Variants in MCC observed in about 807,000 individuals in gnomAD.
MCC encodes the protein colorectal mutant cancer protein.
A neutral mutation model predicts 116.2 loss-of-function variants in MCC; 90 were observed. The ratio of observed to expected loss-of-function variants is 0.77; its 90% CI spans 0.65 to 0.92. The LOEUF (loss-of-function observed/expected upper bound fraction) is 0.92. MCC is among the 40% of genes least tolerant of loss of function. The pLI is 0.00. For synonymous variants in MCC, 578 were observed against 510.5 expected (o/e 1.13, Z -1.78); for missense variants, 1,516 against 1,312.2 (o/e 1.16, Z -2.40).
intron 2 of MCC, among the ~76,000 whole-genome samples, chr5:113,376,649 T>C (rs17135585): frequency 0.015 from 2,027 of 139,248 alleles, 61 homozygotes; most frequent in African/African-American, 0.056. Flanking sequence ...TTGAGGATGG[T>C]GAAAATACAC....
intron 6 of MCC, among the ~76,000 whole-genome samples, chr5:113,110,768 A>G (rs1757044230): frequency 6.6e-6 from 1 of 152,222 alleles, no homozygotes; most frequent in Non-Finnish European, 1.5e-5. Flanking sequence ...GTGCTTGCAT[A>G]TGGGATAGGG....
chr5:113,384,856 C>A, intron 2 of MCC, 112 bp downstream of exon 2: 1 of 1,286,678 alleles, frequency 7.8e-7, no homozygotes, highest in Non-Finnish European at 1.1e-6. Context: ...GGAGGGCAGC[C>A]TCAGTATGAG....
intron 6 of MCC, among the ~76,000 whole-genome samples, chr5:113,107,986 G>C (rs1182975451): frequency 1.3e-5 from 2 of 152,134 alleles, no homozygotes; most frequent in African/African-American, 4.8e-5. Flanking sequence ...CCTTAACTGT[G>C]AGAGACCCCC....
intron 3 of MCC, among the ~76,000 whole-genome samples, chr5:113,334,811 G>T (rs933913859): frequency 2.0e-5 from 3 of 150,018 alleles, no homozygotes; most frequent in African/African-American, 7.5e-5. Flanking sequence ...GGCTGGTCTT[G>T]AACTCCTGAC....
intron 5 of MCC, among the ~76,000 whole-genome samples, chr5:113,138,473 TTC>T (rs1480310999): frequency 6.6e-6 from 1 of 152,166 alleles, no homozygotes; most frequent in African/African-American, 2.4e-5. Context: ...TGCTTCCTCT[TTC>T]TCTCTTCCCT....
At chr5:113,362,228 T>A (rs988863062) in intron 2 of MCC, among the ~76,000 whole-genome samples, 3 of 152,240 alleles carry the variant, frequency 2.0e-5, no homozygotes, top group African/African-American at 7.2e-5. Context: ...GGTTTCACCA[T>A]GTTGGCCAGG....
At chr5:113,045,068 C>T (rs1300345060) in intron 16 of MCC, among the ~76,000 whole-genome samples, 2 of 152,240 alleles carry the variant, frequency 1.3e-5, no homozygotes, top group Non-Finnish European at 2.9e-5. Flanking sequence ...AGATCCAAGT[C>T]CCCTGTCCAC....
chr5:113,428,339 A>AC (rs1770536245), intron 1 of MCC, among the ~76,000 whole-genome samples: 1 of 152,040 alleles, frequency 6.6e-6, no homozygotes, highest in Non-Finnish European at 1.5e-5. Flanking sequence ...GCAGCACCAC[A>AC]CCCCTCTTTA....
chr5:113,458,484 C>T (rs1771645324), intron 1 of MCC, among the ~76,000 whole-genome samples: 1 of 152,196 alleles, frequency 6.6e-6, no homozygotes, highest in Non-Finnish European at 1.5e-5. Context: ...CTGTAACACT[C>T]ACCGCGAGGG....
intron 1 of MCC, among the ~76,000 whole-genome samples, chr5:113,420,238 T>A (rs564683100): frequency 3.9e-5 from 5 of 126,628 alleles, no homozygotes; most frequent in Non-Finnish European, 3.2e-5. Context: ...TTTAGAAAAA[T>A]TATTTTATGC....
chr5:113,344,267 C>G (rs1367699514), intron 2 of MCC, among the ~76,000 whole-genome samples: 1 of 152,180 alleles, frequency 6.6e-6, no homozygotes, highest in African/African-American at 2.4e-5. Flanking sequence ...AATTGCCCAT[C>G]CCAGCAGTCG....
chr5:113,348,511 A>T (rs943930204), intron 2 of MCC, among the ~76,000 whole-genome samples: 1 of 152,128 alleles, frequency 6.6e-6, no homozygotes, highest in African/African-American at 2.4e-5. Context: ...AAATTTCTCA[A>T]AACAAATGAT....
intron 3 of MCC, among the ~76,000 whole-genome samples, chr5:113,180,777 G>A (rs1329547579): frequency 6.6e-6 from 1 of 152,170 alleles, no homozygotes; most frequent in Non-Finnish European, 1.5e-5. Flanking sequence ...CTATCTGGAT[G>A]TGGGATTTAA....
chr5:113,109,569 G>A (rs1179985006), intron 6 of MCC, among the ~76,000 whole-genome samples: 2 of 152,012 alleles, frequency 1.3e-5, no homozygotes, highest in East Asian at 1.9e-4. Flanking sequence ...AATGGGTGGT[G>A]GTGATGGTCA....
chr5:113,459,034 C>G (rs1056001476), intron 1 of MCC, among the ~76,000 whole-genome samples: 3 of 152,024 alleles, frequency 2.0e-5, no homozygotes, highest in Admixed American at 2.0e-4. Context: ...CTCTCCCAGA[C>G]AGCTCACTGA....
At chr5:113,104,486 C>A in intron 6 of MCC, 131 bp from the exon 7 acceptor site, 2 of 702,278 alleles carry the variant, frequency 2.8e-6, no homozygotes, top group African/African-American at 1.8e-5. Flanking sequence ...CACCAGCCAG[C>A]CTAACCTCAC....
intron 2 of MCC, among the ~76,000 whole-genome samples, chr5:113,357,079 G>A (rs1187876843): frequency 6.6e-6 from 1 of 152,178 alleles, no homozygotes; most frequent in Non-Finnish European, 1.5e-5. Flanking sequence ...AACCAGCTAT[G>A]TGACATCAAG....
At chr5:113,402,304 A>AC (rs1554081340) in intron 1 of MCC, among the ~76,000 whole-genome samples, 2 of 143,530 alleles carry the variant, frequency 1.4e-5, no homozygotes, top group South Asian at 2.2e-4. Flanking sequence ...AAAAAAAAAA[A>AC]AAAAAAACAC....
chr5:113,104,873 T>C (rs1204967238), intron 6 of MCC, among the ~76,000 whole-genome samples: 1 of 152,232 alleles, frequency 6.6e-6, no homozygotes, highest in Admixed American at 6.5e-5. Context: ...GCTCCACTGT[T>C]GCAATTTAAT....
Sources: allele counts gnomAD v4.1 joint callset (sites outside exome capture counted in the v4.1 genomes callset), GRCh38; gene constraint gnomAD v4.1.1; transcripts MANE v1.5; gene names NCBI Gene and HGNC (gene_info 2026-07-23, HGNC 2026-07-21).